The following GUCY1A1 variants were observed in gnomAD, a reference collection of about 807,000 sequenced individuals.
GUCY1A1 encodes guanylate cyclase 1 soluble subunit alpha 1, also known as guanylate cyclase soluble subunit alpha-1.
GUCY1A1 carries 48 observed loss-of-function variants against 64.5 expected under a neutral mutation model. The observed-to-expected ratio is 0.74, with a 90% CI of 0.59 to 0.95. The LOEUF (loss-of-function observed/expected upper bound fraction) is 0.95, where lower values mean the gene tolerates loss of function less well. Among genes scored for constraint, GUCY1A1 ranks in the 40% least tolerant of loss-of-function variants. GUCY1A1 has a pLI of 0.00. For synonymous variants in GUCY1A1, 308 were observed against 303.4 expected (o/e 1.02, Z -0.16); for missense variants, 804 against 825.3 (o/e 0.97, Z 0.32).
At chr4:155,726,419 A>G (rs1013319944) in intron 9 of GUCY1A1, among the ~76,000 whole-genome samples, 1 of 152,000 alleles carries the variant, frequency 6.6e-6, no homozygotes, top group Non-Finnish European at 1.5e-5. Flanking sequence ...TAGGGGCATA[A>G]TTTTAGTTTT....
intron 5 of GUCY1A1, among the ~76,000 whole-genome samples, chr4:155,709,389 T>C (rs1202367739): frequency 2.6e-5 from 4 of 152,258 alleles, no homozygotes; most frequent in Admixed American, 6.5e-5. Flanking sequence ...AAGTGTTACT[T>C]TGTTACAAAA....
intron 3 of GUCY1A1, among the ~76,000 whole-genome samples, chr4:155,698,516 T>G (rs1730695184): frequency 6.6e-6 from 1 of 152,180 alleles, no homozygotes; most frequent in Non-Finnish European, 1.5e-5. Flanking sequence ...CTGAGATTGC[T>G]TCTATGTTTT....
chr4:155,681,630 CT>C (rs1316141897), intron 2 of GUCY1A1, among the ~76,000 whole-genome samples: 2 of 152,146 alleles, frequency 1.3e-5, no homozygotes, highest in Non-Finnish European at 2.9e-5. Context: ...CACGTGTCCT[CT>C]TTCATATTCA....
chr4:155,705,976 C>G (rs1003063870), intron 4 of GUCY1A1, among the ~76,000 whole-genome samples: 3 of 152,202 alleles, frequency 2.0e-5, no homozygotes, highest in Non-Finnish European at 4.4e-5. Flanking sequence ...GCTACTGTGT[C>G]TGTCTGCTTA....
intron 2 of GUCY1A1, among the ~76,000 whole-genome samples, chr4:155,691,858 A>G (rs921834143): frequency 6.6e-6 from 1 of 152,084 alleles, no homozygotes; most frequent in Non-Finnish European, 1.5e-5. Flanking sequence ...AACTTGTGTC[A>G]TGGGAGTTTG....
rs1374225946 is a variant in GUCY1A1 at position 155,691,583 on chromosome 4, A to G, written c.-112-5173A>G. Among the ~76,000 whole-genome samples the G allele has an allele frequency of 2.0e-5, 3 of 152,128 alleles. No individual in the cohort carries two copies. In the East Asian group the frequency reaches 5.8e-4, roughly 29 times the overall value. ...TCCTTACTAAGGCAATTTGCTTTTA[A>G]GTTTTCTCCTCCTTTTGGCTACTCT... On this transcript the variant is annotated intron_variant, in intron 2 of 9. Transcript: ENST00000506455.
At chr4:155,706,730 T>G (rs1010985772) in intron 4 of GUCY1A1, among the ~76,000 whole-genome samples, 7 of 152,172 alleles carry the variant, frequency 4.6e-5, no homozygotes, top group African/African-American at 1.7e-4. Flanking sequence ...TACACCCACT[T>G]GTATTTTTTG....
chr4:155,728,329 T>C (rs189844907), intron 9 of GUCY1A1, among the ~76,000 whole-genome samples: 61 of 151,960 alleles, frequency 4.0e-4, no homozygotes, highest in African/African-American at 1.4e-3. Flanking sequence ...ATGGCTTAAC[T>C]GTCTTACAAA....
Position 155,672,014 on chromosome 4 carries a change from C to A in GUCY1A1, c.-113+4595C>A, listed in dbSNP as rs574041635. Among the ~76,000 whole-genome samples, 4 of 105,846 alleles carry A rather than the reference C, an allele frequency of 3.8e-5. No individual in the cohort carries two copies. The East Asian group carries it at 6.2e-4, about 16-fold the overall frequency. The allele number at this position is 105,846 out of a possible 152,430, so 69.4% of individuals were successfully genotyped here. ...CTGAAATCTATTCTACTCTTCCCCC[C>A]TCCGTTTTTTTTTTGCACTCATACA... On this transcript the variant is annotated intron_variant, in intron 2 of 9. Transcript: ENST00000506455.
In GUCY1A1 at chr4:155,719,817, T is replaced by C. The variant is rs375859123; in HGVS notation, c.1717-2221T>C. On this transcript the variant is annotated intron_variant, in intron 8 of 9. Transcript: ENST00000506455. ...CCCTCCTTTCCTAAGCCTAGAAGCTTATGATGAGAAATGGGCTATGCCACA... is the reference window on the plus strand; with the variant it reads ...CCCTCCTTTCCTAAGCCTAGAAGCTCATGATGAGAAATGGGCTATGCCACA... Among the ~76,000 whole-genome samples, 3 of 152,208 alleles carry C rather than the reference T, an allele frequency of 2.0e-5. No individual in the cohort carries two copies. The East Asian group carries it at 5.8e-4, about 29-fold the overall frequency.
chr4:155,720,689 C>A (rs1733858596), intron 8 of GUCY1A1, among the ~76,000 whole-genome samples: 1 of 152,092 alleles, frequency 6.6e-6, no homozygotes, highest in Admixed American at 6.6e-5. Context: ...AAGTTTCTAG[C>A]AGATATCTGA....
chr4:155,673,090 A>C lies in GUCY1A1; in HGVS notation c.-113+5671A>C, dbSNP rs561443802. 1.4e-4 allele frequency among the ~76,000 whole-genome samples: 20 copies of C among 146,850 alleles called. No individual in the cohort carries two copies. In the East Asian group the frequency reaches 3.9e-3, roughly 28 times the overall value. ...CCAGTGTGCTCTTCCTATATCTAATAAAAATGCCATTATCACCACTTTATC... is the reference window on the plus strand; with the variant it reads ...CCAGTGTGCTCTTCCTATATCTAATCAAAATGCCATTATCACCACTTTATC... On this transcript the variant is annotated intron_variant, in intron 2 of 9. Coordinates refer to ENST00000506455, the MANE Select transcript of GUCY1A1 (RefSeq NM_001130682.3).
chr4:155,717,140 G>A lies in GUCY1A1; in HGVS notation c.1573-19G>A. Reference sequence around the variant, plus strand: ...TTCCTGAGCATTTATTTATAGTATGGAAAATATATTATGTCTAGGTGGAGA... The same window carrying A: ...TTCCTGAGCATTTATTTATAGTATGAAAAATATATTATGTCTAGGTGGAGA... On this transcript the variant is annotated intron_variant, in intron 7 of 9. Coordinates refer to ENST00000506455, the MANE Select transcript of GUCY1A1 (RefSeq NM_001130682.3). 1 of 1,383,584 alleles carries A rather than the reference G, an allele frequency of 7.2e-7. No homozygotes were observed. The highest frequency in any genetic ancestry group is 9.5e-7 in the Non-Finnish European group (1 of 1,048,836). The allele number at this position is 1,383,584 out of a possible 1,614,324, so 85.7% of individuals were successfully genotyped here.
chr4:155,671,026 A>G (rs1011999766), intron 2 of GUCY1A1, among the ~76,000 whole-genome samples: 1 of 143,834 alleles, frequency 7.0e-6, no homozygotes, highest in African/African-American at 3.0e-5. Context: ...TGCATCTCCC[A>G]TTAAACTCAA....
intron 2 of GUCY1A1, among the ~76,000 whole-genome samples, chr4:155,678,101 G>A (rs1299096918): frequency 2.6e-5 from 4 of 151,982 alleles, no homozygotes; most frequent in South Asian, 2.1e-4. Flanking sequence ...AACAAACTGC[G>A]TTAATCTCCA....
chr4:155,703,880 A>G (rs1731402064), intron 3 of GUCY1A1, 52 bp from the exon 4 acceptor site: 2 of 1,142,248 alleles, frequency 1.8e-6, no homozygotes, highest in Admixed American at 4.1e-5. Context: ...ATATAATTCC[A>G]AACAAATTAT....
chr4:155,707,706 G>A (rs549259214), intron 4 of GUCY1A1, among the ~76,000 whole-genome samples: 1 of 151,988 alleles, frequency 6.6e-6, no homozygotes, highest in African/African-American at 2.4e-5. Flanking sequence ...AACATTCTAT[G>A]TCATATATAT....
At chr4:155,678,584 C>A (rs1417699289) in intron 2 of GUCY1A1, among the ~76,000 whole-genome samples, 1 of 152,114 alleles carries the variant, frequency 6.6e-6, no homozygotes, top group Non-Finnish European at 1.5e-5. Context: ...AAGTCACTTG[C>A]CTAATGTCAT....
intron 2 of GUCY1A1, among the ~76,000 whole-genome samples, chr4:155,685,603 G>C (rs1358776793): frequency 9.2e-6 from 1 of 108,854 alleles, no homozygotes; most frequent in African/African-American, 3.1e-5. Context: ...TTCTCCTTGT[G>C]TTTTTTTTTT....
Sources: allele counts gnomAD v4.1 joint callset (sites outside exome capture counted in the v4.1 genomes callset), GRCh38; gene constraint gnomAD v4.1.1; transcripts MANE v1.5; gene names NCBI Gene and HGNC (gene_info 2026-07-23, HGNC 2026-07-21).